The following USH2A variants were observed in gnomAD, a reference collection of about 807,000 sequenced individuals.
USH2A encodes Usher syndrome 2A (autosomal recessive, mild).
In USH2A, 443 loss-of-function variants were observed where a neutral mutation model predicts 538.9. That is an observed-to-expected ratio of 0.82 (90% CI 0.76 to 0.89). The LOEUF (loss-of-function observed/expected upper bound fraction) is 0.89. Among genes scored for constraint, USH2A ranks in the 40% least tolerant of loss-of-function variants. The pLI, the probability that USH2A is intolerant of heterozygous loss-of-function variation, is 0.00. For synonymous variants in USH2A, 2,413 were observed against 2,273.5 expected (o/e 1.06, Z -1.75); for missense variants, 6,633 against 6,324.8 (o/e 1.05, Z -1.65).
intron 4 of USH2A, among the ~76,000 whole-genome samples, chr1:216,354,629 C>T (rs1466392062): frequency 1.3e-5 from 2 of 152,016 alleles, no homozygotes; most frequent in Non-Finnish European, 2.9e-5. Flanking sequence ...GCAGCCTAGA[C>T]ACAAAAGAGA....
At chr1:215,829,523 A>C (rs1301237313) in intron 47 of USH2A, among the ~76,000 whole-genome samples, 1 of 152,240 alleles carries the variant, frequency 6.6e-6, no homozygotes, top group East Asian at 1.9e-4. Context: ...CTAGAGAAGT[A>C]GACCCCGTCT....
chr1:216,234,371 A>G (rs1407800657), intron 13 of USH2A, among the ~76,000 whole-genome samples: 1 of 152,202 alleles, frequency 6.6e-6, no homozygotes, highest in Non-Finnish European at 1.5e-5. Context: ...CATTTTTATC[A>G]TAATTTACAG....
intron 5 of USH2A, 79 bp downstream of exon 5, chr1:216,327,512 T>A (rs926680647): frequency 6.6e-7 from 1 of 1,507,840 alleles, no homozygotes; most frequent in African/African-American, 1.4e-5. Context: ...AATGGTATAA[T>A]CTACATAGTA....
intron 61 of USH2A, among the ~76,000 whole-genome samples, chr1:215,705,459 G>T (rs1659157921): frequency 6.6e-6 from 1 of 152,210 alleles, no homozygotes; most frequent in Non-Finnish European, 1.5e-5. Flanking sequence ...CACAGGAAAT[G>T]ACAAGTATGT....
chr1:216,246,888 G>C lies in USH2A; in HGVS notation c.2506C>G (p.Leu836Val), dbSNP rs753083207. The stretch of plus-strand genomic sequence containing the variant: ...CAGAGGAAAGAATTATTTTGCCGTA[G>C]GTAGAAGTTTCCCTCCAAACATTTA... ...CNKCLEGNFY[L>V]RQNNSFLCLP... The change falls in exon 13 of 72, where the codon CTA (leucine) becomes GTA (valine). Residue 836 changes from leucine (L) to valine (V), a missense_variant. Coordinates refer to ENST00000307340, the MANE Select transcript of USH2A (RefSeq NM_206933.4). 6.2e-7 allele frequency: 1 copy of C among 1,614,124 alleles called. No homozygotes were observed. The highest frequency in any genetic ancestry group is 1.1e-5 in the South Asian group (1 of 91,084).
chr1:215,929,948 A>G (rs1666323360), intron 38 of USH2A, among the ~76,000 whole-genome samples: 1 of 151,928 alleles, frequency 6.6e-6, no homozygotes, highest in Admixed American at 6.6e-5. Context: ...CAGGGGAAGG[A>G]GAGAGAGTCG....
rs201238640 is a variant in USH2A at position 215,674,637 on chromosome 1, G to C, written c.13274C>G (p.Thr4425Arg). Residue 4425 changes from threonine to arginine, a missense_variant, in exon 63 of 72, where the codon ACG (threonine) becomes AGG (arginine). Transcript: ENST00000307340. ...CACACTAGCTGTGCAACCTCCATTC[G>C]TGCAGGCTACAAGGGAGAAGTTATA... ...SQYNFSLVAC[T>R]NGGCTASVSK... 6.2e-7 allele frequency: 1 copy of C among 1,614,152 alleles called. No individual in the cohort carries two copies. Among genetic ancestry groups the C allele is most frequent in the African/African-American group, 1.3e-5 (1 of 75,048 alleles).
rs1658178958 is a variant in USH2A, at chr1:215,680,176, T to A, written c.12267A>T (p.Glu4089Asp). The A allele has an allele frequency of 1.2e-6, 2 of 1,614,124 alleles. No individual in the cohort carries two copies. The highest frequency in any genetic ancestry group is 4.5e-5 in the East Asian group (2 of 44,872). Reference sequence around the variant, plus strand: ...TAATCACACCATTGGTTCTCATAGGTTCTGACCACTGTAGTAGCAATGCCC... The same window carrying A: ...TAATCACACCATTGGTTCTCATAGGATCTGACCACTGTAGTAGCAATGCCC... ...NGRALLLQWS[E>D]PMRTNGVIKT... Residue 4089 changes from glutamate to aspartate, a missense_variant, in exon 62 of 72, where the codon GAA becomes GAT. By Grantham distance (45) the Glu-to-Asp change is conservative. Transcript: ENST00000307340.
chr1:215,981,639 C>A (rs548764984), intron 35 of USH2A, among the ~76,000 whole-genome samples: 1 of 152,154 alleles, frequency 6.6e-6, no homozygotes, highest in South Asian at 2.1e-4. Flanking sequence ...ACACTCCTTG[C>A]AACACTACCT....
chr1:215,791,853 T>TAC (rs1442206141), intron 50 of USH2A, among the ~76,000 whole-genome samples: 1 of 152,158 alleles, frequency 6.6e-6, no homozygotes, highest in African/African-American at 2.4e-5. Flanking sequence ...TGTGTATATA[T>TAC]ACACACACAA....
At chr1:215,884,746 C>G (rs1665004264) in intron 41 of USH2A, among the ~76,000 whole-genome samples, 1 of 152,178 alleles carries the variant, frequency 6.6e-6, no homozygotes, top group Non-Finnish European at 1.5e-5. Context: ...ACTTCTTTTA[C>G]TTTGCTTTAT....
chr1:215,986,337 G>T (rs1667874599), intron 35 of USH2A, among the ~76,000 whole-genome samples: 1 of 134,082 alleles, frequency 7.5e-6, no homozygotes, highest in African/African-American at 2.7e-5. Flanking sequence ...GGTAGAGACA[G>T]GGTTTCATCA....
intron 60 of USH2A, among the ~76,000 whole-genome samples, chr1:215,732,520 C>CTTCCTTA (rs1553256896): frequency 7.3e-5 from 10 of 137,762 alleles, no homozygotes; most frequent in African/African-American, 2.8e-4. Context: ...TCCCAATCCT[C>CTTCCTTA]TTTCTTATTC....
At chr1:216,048,509 G>A (rs767260712) in intron 31 of USH2A, 25 bp downstream of exon 31, 7 of 1,599,526 alleles carry the variant, frequency 4.4e-6, no homozygotes, top group Non-Finnish European at 6.0e-6. Flanking sequence ...AAATGTGGAA[G>A]TCAAGACCTT....
intron 19 of USH2A, among the ~76,000 whole-genome samples, chr1:216,196,171 A>G (rs1042241004): frequency 2.0e-5 from 3 of 152,156 alleles, no homozygotes; most frequent in African/African-American, 4.8e-5. Context: ...AATGTTATTT[A>G]TATTTCCAAA....
intron 22 of USH2A, among the ~76,000 whole-genome samples, chr1:216,095,130 T>A (rs567428207): frequency 2.0e-5 from 3 of 152,164 alleles, no homozygotes; most frequent in African/African-American, 7.2e-5. Context: ...TATACTAAAT[T>A]CCCTCTTAAA....
intron 36 of USH2A, among the ~76,000 whole-genome samples, chr1:215,967,388 C>T (rs894297356): frequency 2.1e-4 from 32 of 152,046 alleles, no homozygotes; most frequent in Non-Finnish European, 1.8e-4. Context: ...AGGCTGGTCT[C>T]GAACTCCTGA....
At chr1:216,335,085 G>T (rs1264477750) in intron 4 of USH2A, among the ~76,000 whole-genome samples, 5 of 151,656 alleles carry the variant, frequency 3.3e-5, no homozygotes, top group African/African-American at 1.2e-4. Flanking sequence ...TAAAATAACT[G>T]AGATCATGCA....
intron 47 of USH2A, among the ~76,000 whole-genome samples, chr1:215,827,749 C>A (rs999914547): frequency 1.3e-5 from 2 of 152,090 alleles, no homozygotes; most frequent in Admixed American, 6.6e-5. Context: ...AAATAGTCTA[C>A]AATTGCCCAT....
Sources: gnomAD v4.1 joint callset for allele counts (sites outside exome capture counted in the v4.1 genomes callset) on GRCh38, gnomAD v4.1.1 for gene constraint, MANE v1.5 for transcripts, NCBI Gene and HGNC (gene_info 2026-07-23, HGNC 2026-07-21) for gene names.